ALG12: variants seen among roughly 807,000 people sequenced by gnomAD.
The protein encoded by ALG12 is dol-P-Man:Man(7)GlcNAc(2)-PP-Dol alpha-1,6-mannosyltransferase.
In ALG12, 36 loss-of-function variants were observed where a neutral mutation model predicts 46.0. That is an observed-to-expected ratio of 0.78 (90% confidence interval 0.60 to 1.03). ALG12 has a LOEUF of 1.03. ALG12 is among the 50% of genes least tolerant of loss of function. The pLI is 0.00. For missense variants in ALG12, 599 were observed against 633.5 expected (o/e 0.95, Z 0.58); for synonymous variants, 326 against 291.6 (o/e 1.12, Z -1.20).
At chr22:49,886,467 T>C in the ALG12 span, 3 of 1,572,026 alleles carry the variant, frequency 1.9e-6, no homozygotes, top group South Asian at 3.5e-5. The surrounding 1 kb of genome is among the most constrained non-coding windows in gnomAD (Gnocchi z 7.7). Context: ...CCGTGTGCCG[T>C]GCGCTAAAGC....
chr22:49,881,009 C>T, the ALG12 span, among the ~76,000 whole-genome samples: 1 of 152,198 alleles, frequency 6.6e-6, no homozygotes, highest in Non-Finnish European at 1.5e-5. Flanking sequence ...TTATTTCATG[C>T]TTTCATGCAT....
At position 49,905,062 on chromosome 22, in the gene ALG12, C is replaced by T. The variant is rs1358894674; in HGVS notation, c.993-556G>A. On this transcript the variant is annotated intron_variant, in intron 7 of 9. Transcript: ENST00000330817. This position sits in a 1 kb window ranked among gnomAD's most constrained non-coding sequence, Gnocchi z 4.9. The stretch of plus-strand genomic sequence containing the variant: ...CTAAAAATATATTTTCAAACAATCC[C>T]AAGTGACTGTGTAGGTCAGAGTGCC... 6.6e-6 allele frequency among the ~76,000 whole-genome samples: 1 copy of T among 152,146 alleles called. No individual in the cohort carries two copies. The highest frequency in any genetic ancestry group is 2.4e-5 in the African/African-American group (1 of 41,440).
the ALG12 span, among the ~76,000 whole-genome samples, chr22:49,868,365 G>C: frequency 6.6e-6 from 1 of 152,166 alleles, no homozygotes; most frequent in Non-Finnish European, 1.5e-5. Flanking sequence ...GGATCACCCA[G>C]GATCAGGAGT....
chr22:49,913,077 G>A (rs1352781298), intron 3 of ALG12, among the ~76,000 whole-genome samples: 2 of 152,260 alleles, frequency 1.3e-5, no homozygotes, highest in Non-Finnish European at 2.9e-5. Context: ...TGACCCCATG[G>A]GGGCTTGCCA....
the ALG12 span, among the ~76,000 whole-genome samples, chr22:49,876,506 T>C: frequency 6.6e-6 from 1 of 152,226 alleles, no homozygotes; most frequent in Non-Finnish European, 1.5e-5. Flanking sequence ...GACCCCCTTA[T>C]AATTTTGTGA....
At chr22:49,887,223 G>GT in the ALG12 span, 1 of 1,558,010 alleles carries the variant, frequency 6.4e-7, no homozygotes, top group Non-Finnish European at 8.7e-7. Context: ...CTGCCCCAGC[G>GT]TTAGCAGCCT....
the ALG12 span, chr22:49,888,082 A>G: frequency 6.0e-6 from 1 of 167,260 alleles, no homozygotes; most frequent in Non-Finnish European, 1.5e-5. Context: ...GCTTATTAAC[A>G]GGGAAGAAGC....
intron 1 of ALG12, among the ~76,000 whole-genome samples, chr22:49,914,318 G>A (rs1019708960): frequency 1.3e-5 from 2 of 152,352 alleles, no homozygotes; most frequent in South Asian, 2.1e-4. Context: ...GAAACTGAAC[G>A]TAGTACAGCT....
At chr22:49,888,630 T>C in the ALG12 span, 1 of 167,258 alleles carries the variant, frequency 6.0e-6, no homozygotes, top group African/African-American at 2.4e-5. Context: ...GTGATGACTT[T>C]CCAGGTCTCG....
the ALG12 span, among the ~76,000 whole-genome samples, chr22:49,863,164 T>G: frequency 6.6e-6 from 1 of 152,150 alleles, no homozygotes; most frequent in Admixed American, 6.6e-5. Context: ...TTTGGTTTCT[T>G]GTAGATTGTG....
intron 3 of ALG12, among the ~76,000 whole-genome samples, chr22:49,912,357 C>A (rs1031839244): frequency 6.6e-6 from 1 of 152,250 alleles, no homozygotes; most frequent in African/African-American, 2.4e-5. Flanking sequence ...AACCTCCCAA[C>A]CTCTTGCTGC....
the ALG12 span, among the ~76,000 whole-genome samples, chr22:49,863,174 GT>G: frequency 2.0e-5 from 3 of 152,204 alleles, no homozygotes; most frequent in South Asian, 6.2e-4. Flanking sequence ...TGTAGATTGT[GT>G]TTGGTTGGTT....
chr22:49,909,313 C>A lies in ALG12; in HGVS notation c.699G>T (p.Arg233=). 1 of 1,614,216 alleles carries A rather than the reference C, an allele frequency of 6.2e-7. No individual in the cohort carries two copies. The highest frequency in any genetic ancestry group is 8.5e-7 in the Non-Finnish European group (1 of 1,180,026). ...CCTTTCCTTCCGGCCAAGTGAGCTG[C>A]CGCCAAAAATAAGAGTCCACAGCAA... ...LTVAVDSYFW[R]QLTWPEGKVL... is the part of the protein sequence containing the mutation. The change falls in exon 6 of 10, where the codon CGG becomes CGT. Residue 233 remains arginine, a synonymous_variant. Coordinates refer to ENST00000330817, the MANE Select transcript of ALG12 (RefSeq NM_024105.4).
downstream of ALG12, among the ~76,000 whole-genome samples, chr22:49,899,787 A>G (rs940387222): frequency 1.3e-5 from 2 of 152,106 alleles, no homozygotes; most frequent in Admixed American, 6.5e-5. Flanking sequence ...CAGCTGAGGA[A>G]ACTGTGGCTT....
chr22:49,868,654 G>A, the ALG12 span, among the ~76,000 whole-genome samples: 2 of 152,196 alleles, frequency 1.3e-5, no homozygotes, highest in Admixed American at 6.5e-5. Context: ...CAAGTAAAAA[G>A]ATAAAAATTA....
At chr22:49,863,497 A>G in the ALG12 span, among the ~76,000 whole-genome samples, 8 of 152,182 alleles carry the variant, frequency 5.3e-5, no homozygotes, top group South Asian at 1.7e-3. Flanking sequence ...CGTGGTGGCG[A>G]GTGCCTGTAA....
At chr22:49,860,335 A>G in the ALG12 span, among the ~76,000 whole-genome samples, 2 of 152,174 alleles carry the variant, frequency 1.3e-5, no homozygotes, top group Non-Finnish European at 2.9e-5. Context: ...ATACATATAT[A>G]TAGTTTTACT....
chr22:49,904,273 C>T lies in ALG12; in HGVS notation c.1163-19G>A, dbSNP rs200745798. On this transcript the variant is annotated intron_variant, in intron 8 of 9. Coordinates refer to ENST00000330817, the MANE Select transcript of ALG12 (RefSeq NM_024105.4). Reference sequence around the variant, plus strand: ...AGGACGTCTAGGAAAACCAGGCCTGCCGTCAGAGCCCAGCCCTGCAGTCGG... The same window carrying T: ...AGGACGTCTAGGAAAACCAGGCCTGTCGTCAGAGCCCAGCCCTGCAGTCGG... The T allele has an allele frequency of 6.4e-4, 1,030 of 1,614,066 alleles. 8 individuals carry two copies. In the African/African-American group the frequency reaches 0.013, roughly 20 times the overall value.
chr22:49,877,612 G>C, the ALG12 span, among the ~76,000 whole-genome samples: 20 of 151,804 alleles, frequency 1.3e-4, no homozygotes, highest in African/African-American at 4.4e-4. Flanking sequence ...GCTTTATTTG[G>C]GTATAATTGA....
Sources: gnomAD v4.1 joint callset for allele counts (sites outside exome capture counted in the v4.1 genomes callset) on GRCh38, gnomAD v4.1.1 for gene constraint, Gnocchi (gnomAD v3.1) non-coding constraint, MANE v1.5 for transcripts, NCBI Gene and HGNC (gene_info 2026-07-23, HGNC 2026-07-21) for gene names.